COL4A5: variants seen among roughly 807,000 people sequenced by gnomAD.
COL4A5 encodes collagen alpha-5(IV) chain.
A neutral mutation model predicts 130.2 loss-of-function variants in COL4A5; 26 were observed. The ratio of observed to expected loss-of-function variants is 0.20; its 90% CI spans 0.15 to 0.28. The LOEUF is 0.28. Among genes scored for constraint, COL4A5 ranks in the 10% least tolerant of loss-of-function variants. The pLI, the probability that COL4A5 is intolerant of heterozygous loss-of-function variation, is 1.00. For synonymous variants in COL4A5, 496 were observed against 439.6 expected, an observed-to-expected ratio of 1.13 and a Z score of -1.60; for missense variants, 1,131 against 1,344.3, an observed-to-expected ratio of 0.84 and a Z score of 2.48.
chrX:108,598,894 A>T (rs1327773512), intron 25 of COL4A5, 24 bp downstream of exon 25: 2 of 1,204,446 alleles, frequency 1.7e-6, no homozygotes, highest in African/African-American at 1.7e-5. Context: ...GTTTTGTTTT[A>T]AACTTGGTGC....
chrX:108,668,331 A>G lies in COL4A5; in HGVS notation c.3617A>G (p.Asp1206Gly), dbSNP rs2147959019. Reference sequence around the variant, plus strand: ...TTTACTTTCATAGGCCAAAAGGGTGATGGAGGATTACCTGGGATTCCAGGA... The same window carrying G: ...TTTACTTTCATAGGCCAAAAGGGTGGTGGAGGATTACCTGGGATTCCAGGA... ...GLPGLSGQKG[D>G]GGLPGIPGNP... Residue 1206 changes from aspartate to glycine, a missense_variant, in exon 41 of 53, where the codon GAT becomes GGT. Coordinates refer to ENST00000328300, the MANE Select transcript of COL4A5 (RefSeq NM_033380.3). 1.7e-6 allele frequency: 2 copies of G among 1,210,667 alleles called. No individual in the cohort carries two copies. Among genetic ancestry groups the G allele is most frequent in the Non-Finnish European group, 2.2e-6 (2 of 894,768 alleles).
chrX:108,526,999 G>T (rs2147624494), intron 1 of COL4A5, among the ~76,000 whole-genome samples: 1 of 108,893 alleles, frequency 9.2e-6, no homozygotes, highest in South Asian at 4.1e-4. Context: ...TGAACTCCCA[G>T]GCTCAAGTGG....
At position 108,665,367 on chromosome X, in the gene COL4A5, G is replaced by A. The variant is rs192175662; in HGVS notation, c.3374-140G>A. Reference sequence around the variant, plus strand: ...AAACATAAAATTATTATTAAAAATAGCCAACAAACACCAGCATCTTTTGGG... The same window carrying A: ...AAACATAAAATTATTATTAAAAATAACCAACAAACACCAGCATCTTTTGGG... On this transcript the variant is annotated intron_variant, in intron 37 of 52. Transcript: ENST00000328300. 6.1e-5 allele frequency: 28 copies of A among 459,129 alleles called. No homozygotes were observed. The East Asian group carries it at 1.1e-3, about 18-fold the overall frequency. 37.8% of individuals were successfully genotyped at this position (459,129 alleles called of 1,213,427 possible).
At chrX:108,682,962 A>G (rs1435921340) in intron 47 of COL4A5, among the ~76,000 whole-genome samples, 2 of 111,392 alleles carry the variant, frequency 1.8e-5, no homozygotes, top group Admixed American at 9.5e-5. Context: ...GTCATGAAGT[A>G]TTTGTCCATG....
intron 1 of COL4A5, among the ~76,000 whole-genome samples, chrX:108,506,621 A>G (rs1439963613): frequency 9.0e-6 from 1 of 111,547 alleles, no homozygotes. Flanking sequence ...TCTAATGTCA[A>G]TGATGATCTG....
intron 2 of COL4A5, among the ~76,000 whole-genome samples, chrX:108,546,755 G>A (rs1290095866): frequency 4.5e-5 from 5 of 111,622 alleles, no homozygotes; most frequent in Non-Finnish European, 9.4e-5. Context: ...CCAATCAGAT[G>A]TAGATTTGGT....
At chrX:108,689,732 G>C in intron 49 of COL4A5, 2 of 753,991 alleles carry the variant, frequency 2.7e-6, no homozygotes, top group Middle Eastern at 7.6e-4. Flanking sequence ...TGTTGAATTA[G>C]TGGAAGGATT....
At position 108,668,393 on chromosome X, in the gene COL4A5, T is replaced by G; in HGVS notation, c.3679T>G (p.Phe1227Val). The change falls in exon 41 of 53, where the codon TTT becomes GTT. Residue 1227 changes from phenylalanine (F) to valine (V), a missense_variant. By Grantham distance (50) the Phe-to-Val change is conservative. Transcript: ENST00000328300. Reference protein sequence around the residue: ...GLPGPKGEPGFHGFPGVQGPP... With the variant: ...GLPGPKGEPGVHGFPGVQGPP... Reference sequence around the variant, plus strand: ...TCCAGGTCCAAAGGGCGAACCAGGCTTTCACGGTTTCCCTGGTGTGCAGGG... The same window carrying G: ...TCCAGGTCCAAAGGGCGAACCAGGCGTTCACGGTTTCCCTGGTGTGCAGGG... The G allele has an allele frequency of 8.3e-7, 1 of 1,210,966 alleles. No individual in the cohort carries two copies. The highest frequency in any genetic ancestry group is 1.1e-6 in the Non-Finnish European group (1 of 895,072).
At chrX:108,582,627 C>T (rs148983085) in intron 16 of COL4A5, 6 of 352,419 alleles carry the variant, frequency 1.7e-5, no homozygotes, top group South Asian at 4.3e-5. Context: ...TGCCATAAAT[C>T]TCTGAGAGGT....
intron 1 of COL4A5, among the ~76,000 whole-genome samples, chrX:108,519,635 T>C (rs917171688): frequency 4.5e-5 from 5 of 111,485 alleles, no homozygotes; most frequent in African/African-American, 1.6e-4. Context: ...ATAAATATGT[T>C]GCTTATTGTA....
In COL4A5 at chrX:108,586,649, G is replaced by A. The variant is rs774398576; in HGVS notation, c.1067G>A (p.Gly356Glu). 9 of 1,207,049 alleles carry A rather than the reference G, an allele frequency of 7.5e-6. No homozygotes were observed. In the East Asian group the frequency reaches 2.7e-4, roughly 36 times the overall value. ...AGACCTGGGACTGGTATAACTATAG[G>A]AGAAAAAGGAAACATTGGGTTGCCT... Reference protein sequence around the residue: ...IPRPGTGITIGEKGNIGLPGL... With the variant: ...IPRPGTGITIEEKGNIGLPGL... The change falls in exon 19 of 53, where the codon GGA becomes GAA. Residue 356 changes from glycine to glutamate, a missense_variant. Gly to Glu is a moderately conservative substitution (Grantham distance 98). Coordinates refer to ENST00000328300, the MANE Select transcript of COL4A5 (RefSeq NM_033380.3).
chrX:108,695,170 G>A, intron 51 of COL4A5, 97 bp from the exon 52 acceptor site: 2 of 1,083,651 alleles, frequency 1.8e-6, no homozygotes, highest in Non-Finnish European at 1.3e-6. Flanking sequence ...TCCTTCACTA[G>A]ATTTGAATTT....
intron 1 of COL4A5, among the ~76,000 whole-genome samples, chrX:108,512,979 A>G (rs370833937): frequency 9.0e-6 from 1 of 111,530 alleles, no homozygotes; most frequent in Admixed American, 9.5e-5. Flanking sequence ...GGGCCATTTT[A>G]GAGACCCACC....
At chrX:108,626,772 C>T in intron 36 of COL4A5, 3 of 812,932 alleles carry the variant, frequency 3.7e-6, no homozygotes, top group Non-Finnish European at 4.4e-6. Flanking sequence ...TGAGATAGTC[C>T]TCTGAATACA....
chrX:108,592,910 T>G (rs1414914651), intron 21 of COL4A5, among the ~76,000 whole-genome samples: 2 of 111,164 alleles, frequency 1.8e-5, no homozygotes, highest in Non-Finnish European at 3.8e-5. Context: ...TATATTAATT[T>G]GCCTAATCTT....
chrX:108,655,338 C>T lies in COL4A5; in HGVS notation c.3254C>T (p.Pro1085Leu). 1 of 1,209,635 alleles carries T rather than the reference C, an allele frequency of 8.3e-7. No individual in the cohort carries two copies. The highest frequency in any genetic ancestry group is 1.1e-6 in the Non-Finnish European group (1 of 894,637). ...TTTTATTCGTGTTTTCAGGGTGAGC[C>T]TGGTCTGCCTGGATACCCAGGGAAC... is the stretch of plus-strand genomic sequence containing the variant. Reference protein sequence around the residue: ...LPGLPGPKGEPGLPGYPGNPG... With the variant: ...LPGLPGPKGELGLPGYPGNPG... Residue 1085 changes from proline (P) to leucine (L), a missense_variant, in exon 37 of 53, where the codon CCT becomes CTT. Transcript: ENST00000328300.
chrX:108,578,098 C>T lies in COL4A5; in HGVS notation c.666C>T (p.Phe222=). 8.3e-7 allele frequency: 1 copy of T among 1,210,423 alleles called. No homozygotes were observed. Among genetic ancestry groups the T allele is most frequent in the Non-Finnish European group, 1.1e-6 (1 of 894,732 alleles). The change falls in exon 12 of 53, where the codon TTC becomes TTT. Residue 222 remains phenylalanine (F), a synonymous_variant. Coordinates refer to ENST00000328300, the MANE Select transcript of COL4A5 (RefSeq NM_033380.3). The part of the protein sequence containing the change: ...PGPKGNMGLN[F]QGPKGEKGEQ... ...TCCAGGGGAATATGGGCTTAAATTT[C>T]CAGGGACCCAAAGGTGAAAAAGTGA...
intron 1 of COL4A5, among the ~76,000 whole-genome samples, chrX:108,504,007 C>A (rs2065103507): frequency 8.9e-6 from 1 of 111,943 alleles, no homozygotes; most frequent in Non-Finnish European, 1.9e-5. Flanking sequence ...TATAAGGCTA[C>A]AGTAATCCAA....
At chrX:108,631,835 T>C (rs912713102) in intron 36 of COL4A5, among the ~76,000 whole-genome samples, 1 of 111,394 alleles carries the variant, frequency 9.0e-6, no homozygotes, top group African/African-American at 3.3e-5. Flanking sequence ...AAGCAGTGTG[T>C]AGAGGGAAAT....
Sources: allele counts gnomAD v4.1 joint callset (sites outside exome capture counted in the v4.1 genomes callset), GRCh38; gene constraint gnomAD v4.1.1; transcripts MANE v1.5; gene names NCBI Gene and HGNC (gene_info 2026-07-23, HGNC 2026-07-21).